OPHN1: variants seen among roughly 807,000 people sequenced by gnomAD.
The protein encoded by OPHN1 is oligophrenin-1.
A neutral mutation model predicts 60.7 loss-of-function variants in OPHN1; 11 were observed. The observed-to-expected ratio is 0.18, with a 90% CI of 0.11 to 0.30. The LOEUF is 0.30. Ranked by LOEUF, OPHN1 falls within the 10% of genes least tolerant of loss-of-function variation. The probability of loss-of-function intolerance (pLI) is 1.00; values close to 1 mark genes in which losing one functional copy is unlikely to be tolerated. For synonymous variants in OPHN1, 226 were observed against 222.6 expected (o/e 1.02, Z -0.14); for missense variants, 449 against 611.0 (o/e 0.73, Z 2.80).
intron 2 of OPHN1, among the ~76,000 whole-genome samples, chrX:68,432,173 C>A (rs1268769286): frequency 9.0e-6 from 1 of 110,989 alleles, no homozygotes; most frequent in Non-Finnish European, 1.9e-5. Flanking sequence ...CAGCCCCCAA[C>A]CCTATCCCTA....
At chrX:68,216,120 C>A (rs1252479791) in intron 6 of OPHN1, among the ~76,000 whole-genome samples, 9 of 111,328 alleles carry the variant, frequency 8.1e-5, no homozygotes. Flanking sequence ...TGGAAATAGT[C>A]TGTTGATCCT....
At chrX:68,147,783 C>A (rs902668510) in intron 15 of OPHN1, among the ~76,000 whole-genome samples, 15 of 111,604 alleles carry the variant, frequency 1.3e-4, no homozygotes, top group African/African-American at 4.5e-4. Context: ...AGAATCAATG[C>A]GTGGATAGTC....
intron 19 of OPHN1, among the ~76,000 whole-genome samples, chrX:68,090,265 T>C (rs1049480266): frequency 1.8e-5 from 2 of 110,401 alleles, no homozygotes; most frequent in African/African-American, 6.6e-5. Flanking sequence ...TGTGTGTGTG[T>C]GTGTGTGTGT....
intron 5 of OPHN1, among the ~76,000 whole-genome samples, chrX:68,273,193 G>A (rs2077977455): frequency 9.0e-6 from 1 of 111,670 alleles, no homozygotes; most frequent in East Asian, 2.8e-4. Flanking sequence ...GCAAGAAAGT[G>A]TCTTTTAAAA....
At chrX:68,116,101 GA>G in intron 16 of OPHN1, among the ~76,000 whole-genome samples, 1 of 111,825 alleles carries the variant, frequency 8.9e-6, no homozygotes, top group Middle Eastern at 4.7e-3. Context: ...AAGGATTGTG[GA>G]GACCAAGTTT....
intron 2 of OPHN1, among the ~76,000 whole-genome samples, chrX:68,402,290 G>GAAAGA (rs778143361): frequency 1.2e-4 from 12 of 102,648 alleles, no homozygotes; most frequent in East Asian, 3.0e-4. Context: ...AAAGAAGGGA[G>GAAAGA]AAAGAAAAGA....
At chrX:68,322,345 A>C (rs1038739160) in intron 2 of OPHN1, among the ~76,000 whole-genome samples, 4 of 111,764 alleles carry the variant, frequency 3.6e-5, no homozygotes, top group Non-Finnish European at 7.5e-5. Context: ...GAGAAAACAA[A>C]ACATATGACT....
intron 2 of OPHN1, among the ~76,000 whole-genome samples, chrX:68,405,171 A>C (rs2078735885): frequency 8.9e-6 from 1 of 112,049 alleles, no homozygotes; most frequent in Non-Finnish European, 1.9e-5. Flanking sequence ...CAGGTACAGC[A>C]TTTGCTCTTC....
intron 15 of OPHN1, among the ~76,000 whole-genome samples, chrX:68,177,251 G>T (rs1215209812): frequency 9.1e-6 from 1 of 110,474 alleles, no homozygotes; most frequent in Non-Finnish European, 1.9e-5. Context: ...GTTGTACAGA[G>T]TTTCAGTTTC....
intron 15 of OPHN1, among the ~76,000 whole-genome samples, chrX:68,187,564 T>C (rs1477717794): frequency 9.0e-6 from 1 of 110,598 alleles, no homozygotes; most frequent in Non-Finnish European, 1.9e-5. Context: ...AGAAGAATGA[T>C]TTTAGGCTAC....
intron 2 of OPHN1, among the ~76,000 whole-genome samples, chrX:68,422,406 C>T (rs2078830329): frequency 9.3e-6 from 1 of 107,473 alleles, no homozygotes; most frequent in South Asian, 4.2e-4. Flanking sequence ...GCCTGTGGTC[C>T]CAGCTACTTG....
At chrX:68,214,680 A>T (rs1216047163) in intron 6 of OPHN1, among the ~76,000 whole-genome samples, 6 of 112,278 alleles carry the variant, frequency 5.3e-5, no homozygotes, top group African/African-American at 1.9e-4. Context: ...AATCAAATGT[A>T]GGTAAGGCAG....
At chrX:68,251,884 C>G (rs2077837224) in intron 5 of OPHN1, among the ~76,000 whole-genome samples, 1 of 111,981 alleles carries the variant, frequency 8.9e-6, no homozygotes, top group Non-Finnish European at 1.9e-5. Flanking sequence ...CAAATTTCCC[C>G]CCACCTCTCT....
chrX:68,339,594 A>G (rs1219092512), intron 2 of OPHN1, among the ~76,000 whole-genome samples: 3 of 112,013 alleles, frequency 2.7e-5, no homozygotes, highest in Non-Finnish European at 5.6e-5. Flanking sequence ...AATCAATACA[A>G]ACACAAATGT....
intron 3 of OPHN1, among the ~76,000 whole-genome samples, chrX:68,295,839 C>A (rs1430690036): frequency 8.9e-6 from 1 of 112,002 alleles, no homozygotes; most frequent in Admixed American, 9.5e-5. Flanking sequence ...ACTGAGTGAC[C>A]TTTTGGAGCC....
At chrX:68,302,058 T>C (rs887683159) in intron 2 of OPHN1, among the ~76,000 whole-genome samples, 2 of 112,660 alleles carry the variant, frequency 1.8e-5, no homozygotes, top group Non-Finnish European at 3.7e-5. Context: ...ATCGCTTGTA[T>C]CAGTAATTTT....
intron 18 of OPHN1, among the ~76,000 whole-genome samples, chrX:68,111,231 C>T (rs867548332): frequency 2.3e-4 from 26 of 112,090 alleles, no homozygotes; most frequent in African/African-American, 7.1e-4. Flanking sequence ...GAATGCTTTC[C>T]GCCTTTTTTA....
intron 19 of OPHN1, among the ~76,000 whole-genome samples, chrX:68,084,140 A>G (rs892760990): frequency 9.1e-6 from 1 of 110,393 alleles, no homozygotes; most frequent in African/African-American, 3.3e-5. Flanking sequence ...TTTTAAAAAT[A>G]AAATATTTGC....
chrX:68,370,365 G>A (rs2078521695), intron 2 of OPHN1, among the ~76,000 whole-genome samples: 1 of 109,823 alleles, frequency 9.1e-6, no homozygotes, highest in Admixed American at 9.9e-5. Flanking sequence ...AAATTAGCTG[G>A]GTGTGGTGGT....
Sources: allele counts gnomAD v4.1 joint callset (sites outside exome capture counted in the v4.1 genomes callset), GRCh38; gene constraint gnomAD v4.1.1; transcripts MANE v1.5; gene names NCBI Gene and HGNC (gene_info 2026-07-23, HGNC 2026-07-21).